Variants in PTCH1 observed in about 807,000 individuals in gnomAD.
The protein encoded by PTCH1 is patched 1, also known as protein patched homolog 1.
A neutral mutation model predicts 144.6 loss-of-function variants in PTCH1; 14 were observed. The observed-to-expected ratio is 0.10, with a 90% CI of 0.06 to 0.15. PTCH1 has a LOEUF of 0.15. Among genes scored for constraint, PTCH1 ranks in the 10% least tolerant of loss-of-function variants. The pLI is 1.00. For synonymous variants in PTCH1, 833 were observed against 793.6 expected (o/e 1.05, Z -0.83); for missense variants, 1,623 against 1,948.3 (o/e 0.83, Z 3.14).
chr9:95,469,700 C>T, intron 13 of PTCH1, 113 bp downstream of exon 13: 1 of 1,088,180 alleles, frequency 9.2e-7, no homozygotes, highest in South Asian at 1.3e-5. Context: ...ACGTTCTCCA[C>T]ACCAGCACAA....
intron 3 of PTCH1, chr9:95,482,511 T>A: frequency 2.4e-6 from 1 of 416,924 alleles, no homozygotes; most frequent in Non-Finnish European, 4.4e-6. Flanking sequence ...TCTACATACA[T>A]TAAACAACTT....
chr9:95,453,752 G>C, intron 19 of PTCH1, 132 bp from the exon 20 acceptor site: 1 of 1,244,496 alleles, frequency 8.0e-7, no homozygotes, highest in East Asian at 2.5e-5. Flanking sequence ...TGTGTAATCA[G>C]AGTAGCTCAA....
intron 20 of PTCH1, chr9:95,451,790 A>G (rs1338573830): frequency 2.0e-5 from 3 of 152,258 alleles, no homozygotes; most frequent in Non-Finnish European, 4.4e-5. Flanking sequence ...TATCATAATG[A>G]TAACGTTAGT....
rs1312905510 is a variant in PTCH1, at chr9:95,446,897, T to A, written c.*1+14A>T. The A allele has an allele frequency of 6.2e-7, 1 of 1,613,456 alleles. No individual in the cohort carries two copies. The highest frequency in any genetic ancestry group is 1.3e-5 in the African/African-American group (1 of 74,892). ...GCTCTAGGTCCCTTGGCTGCCCTTG[T>A]CAGTGGCACTCACCTCAGTTGGAGC... On this transcript the variant is annotated intron_variant, in intron 23 of 23. Coordinates refer to ENST00000331920, the MANE Select transcript of PTCH1 (RefSeq NM_000264.5).
intron 2 of PTCH1, among the ~76,000 whole-genome samples, chr9:95,501,028 TG>T (rs1843112738): frequency 3.9e-5 from 6 of 152,328 alleles, no homozygotes; most frequent in African/African-American, 1.2e-4. Flanking sequence ...AATACAGGAA[TG>T]GGATGGGGGA....
At chr9:95,506,952 G>A in intron 1 of PTCH1, 18 of 1,023,964 alleles carry the variant, frequency 1.8e-5, no homozygotes, top group Non-Finnish European at 2.1e-5. Flanking sequence ...AGCTGAGAAG[G>A]GAGGGGCTGC....
intron 9 of PTCH1, 112 bp from the exon 10 acceptor site, chr9:95,477,814 C>A: frequency 4.6e-6 from 7 of 1,506,318 alleles, no homozygotes; most frequent in Non-Finnish European, 6.3e-6. Context: ...ACTTATCCAA[C>A]AACAACAAAA....
chr9:95,462,280 G>A (rs1266068052), intron 15 of PTCH1, among the ~76,000 whole-genome samples: 3 of 152,034 alleles, frequency 2.0e-5, no homozygotes, highest in Admixed American at 1.3e-4. Flanking sequence ...TCCTCCTTTC[G>A]CCCCATGACA....
intron 20 of PTCH1, 78 bp downstream of exon 20, chr9:95,453,400 G>A (rs1017918026): frequency 8.1e-6 from 13 of 1,600,088 alleles, no homozygotes; most frequent in East Asian, 2.2e-5. Flanking sequence ...AAAGTGCTGG[G>A]ATTACAGGCG....
chr9:95,467,314 A>C lies in PTCH1; in HGVS notation c.2362T>G (p.Tyr788Asp), dbSNP rs1454135593. Residue 788 changes from tyrosine (Y) to aspartate (D), a missense_variant, in exon 15 of 24, where the codon TAT becomes GAT. Tyr to Asp is a radical substitution (Grantham distance 160). Coordinates refer to ENST00000331920, the MANE Select transcript of PTCH1 (RefSeq NM_000264.5). Reference sequence around the variant, plus strand: ...TTGAATTGTGCAGCAATAAAGTCATATTCTCTGGTTTCCCGAGGTACAATG... The same window carrying C: ...TTGAATTGTGCAGCAATAAAGTCATCTTCTCTGGTTTCCCGAGGTACAATG... The part of the protein sequence containing the change: ...TDIVPRETRE[Y>D]DFIAAQFKYF... 1 of 1,614,212 alleles carries C rather than the reference A, an allele frequency of 6.2e-7. No homozygotes were observed. The highest frequency in any genetic ancestry group is 2.2e-5 in the East Asian group (1 of 44,880).
intron 2 of PTCH1, among the ~76,000 whole-genome samples, chr9:95,489,520 T>G (rs2118613845): frequency 6.6e-6 from 1 of 152,248 alleles, no homozygotes; most frequent in African/African-American, 2.4e-5. Flanking sequence ...AGCTAACTTT[T>G]CATTTTTTTG....
At chr9:95,466,382 T>A in intron 15 of PTCH1, among the ~76,000 whole-genome samples, 1 of 152,294 alleles carries the variant, frequency 6.6e-6, no homozygotes, top group South Asian at 2.1e-4. Context: ...TAATTATTTA[T>A]AAAATAATGT....
At chr9:95,474,882 C>T (rs1038035692) in intron 12 of PTCH1, among the ~76,000 whole-genome samples, 3 of 152,096 alleles carry the variant, frequency 2.0e-5, no homozygotes, top group Admixed American at 6.5e-5. Flanking sequence ...GTGAGTGTGC[C>T]GGGCATCCTA....
intron 18 of PTCH1, 152 bp from the exon 19 acceptor site, chr9:95,456,565 CT>C: frequency 1.8e-6 from 2 of 1,104,026 alleles, no homozygotes; most frequent in Non-Finnish European, 2.6e-6. Context: ...CCTTTACTGC[CT>C]AATTCATCTT....
At chr9:95,450,706 TTAGCATCTCTGAA>T (rs1488626086) in intron 20 of PTCH1, 1 of 152,696 alleles carries the variant, frequency 6.5e-6, no homozygotes, top group Non-Finnish European at 1.5e-5. Context: ...GTTGAACAAT[TTAGCATCTCTGAA>T]TACTCTTGTT....
chr9:95,476,116 G>A lies in PTCH1; in HGVS notation c.1646C>T (p.Ala549Val), dbSNP rs759078774. 4 of 1,613,600 alleles carry A rather than the reference G, an allele frequency of 2.5e-6. No homozygotes were observed. Among genetic ancestry groups the A allele is most frequent in the Non-Finnish European group, 8.5e-7 (1 of 1,179,868 alleles). Residue 549 changes from alanine (A) to valine (V), a missense_variant, in exon 12 of 24, where the codon GCC becomes GTC. By Grantham distance (64) the Ala-to-Val change is moderately conservative. Transcript: ENST00000331920. The surrounding 1 kb of genome is among the most constrained non-coding windows in gnomAD (Gnocchi z 4.6). ...TGTGACATTGCTGATGGACGTGAGG[G>A]CCACGCTGGCTCCTGTGCGCTTCAG... ...ECLKRTGASV[A>V]LTSISNVTAF...
intron 19 of PTCH1, among the ~76,000 whole-genome samples, chr9:95,455,066 A>C (rs28457693): frequency 6.6e-6 from 1 of 152,052 alleles, no homozygotes; most frequent in African/African-American, 2.4e-5. Flanking sequence ...CTAGGCTGGC[A>C]CTCTTCTTTT....
At chr9:95,506,733 C>T (rs1843683804) in intron 1 of PTCH1, 134 bp from the exon 2 acceptor site, 27 of 1,081,556 alleles carry the variant, frequency 2.5e-5, no homozygotes, top group Non-Finnish European at 3.2e-5. Flanking sequence ...ACGGACTCGC[C>T]CTCGAGACTG....
chr9:95,498,252 T>C (rs1842919198), intron 2 of PTCH1, among the ~76,000 whole-genome samples: 1 of 152,214 alleles, frequency 6.6e-6, no homozygotes, highest in African/African-American at 2.4e-5. Flanking sequence ...GGGGACTTGC[T>C]TCTCACTAGC....
Sources: allele counts gnomAD v4.1 joint callset (sites outside exome capture counted in the v4.1 genomes callset), GRCh38; gene constraint gnomAD v4.1.1; non-coding constraint Gnocchi (gnomAD v3.1); transcripts MANE v1.5; gene names NCBI Gene and HGNC (gene_info 2026-07-23, HGNC 2026-07-21).